The following DSCAM variants were observed in gnomAD, a reference collection of about 807,000 sequenced individuals.
The protein encoded by DSCAM is DS cell adhesion molecule.
In DSCAM, 47 loss-of-function variants were observed where a neutral mutation model predicts 217.7. The observed-to-expected ratio is 0.22, with a 90% confidence interval of 0.17 to 0.28. The LOEUF (loss-of-function observed/expected upper bound fraction) is 0.28, where lower values mean the gene tolerates loss of function less well. Ranked by LOEUF, DSCAM falls within the 10% of genes least tolerant of loss-of-function variation. The probability of loss-of-function intolerance (pLI) is 1.00; values close to 1 mark genes in which losing one functional copy is unlikely to be tolerated. For synonymous variants in DSCAM, 1,056 were observed against 1,015.3 expected (o/e 1.04, Z -0.76); for missense variants, 2,080 against 2,618.3 (o/e 0.79, Z 4.49).
intron 11 of DSCAM, among the ~76,000 whole-genome samples, chr21:40,222,277 A>G (rs781419259): frequency 3.9e-5 from 6 of 152,238 alleles, no homozygotes; most frequent in Non-Finnish European, 7.3e-5. Flanking sequence ...CAACATTTGG[A>G]ACGTCTACAT....
At chr21:40,465,936 T>C (rs976206802) in intron 3 of DSCAM, among the ~76,000 whole-genome samples, 11 of 152,324 alleles carry the variant, frequency 7.2e-5, no homozygotes, top group African/African-American at 2.6e-4. Flanking sequence ...CTGTTTGTTT[T>C]TGAAGGCATA....
At chr21:40,242,989 T>G (rs1376327067) in intron 11 of DSCAM, among the ~76,000 whole-genome samples, 1 of 152,210 alleles carries the variant, frequency 6.6e-6, no homozygotes. Flanking sequence ...ATTACCCATT[T>G]TATTCTAGTA....
chr21:40,213,596 G>A (rs7282686), intron 11 of DSCAM, among the ~76,000 whole-genome samples: 2 of 151,632 alleles, frequency 1.3e-5, no homozygotes, highest in African/African-American at 2.4e-5. Context: ...TGGGTTCCAC[G>A]CAGAAAACAT....
intron 4 of DSCAM, among the ~76,000 whole-genome samples, chr21:40,356,408 T>TATATAC (rs2074693771): frequency 6.6e-6 from 1 of 151,148 alleles, no homozygotes; most frequent in Non-Finnish European, 1.5e-5. Context: ...TATATATATA[T>TATATAC]GCACATTGTA....
chr21:40,054,502 A>G (rs1478065579), intron 29 of DSCAM, among the ~76,000 whole-genome samples: 1 of 152,190 alleles, frequency 6.6e-6, no homozygotes, highest in African/African-American at 2.4e-5. Context: ...GTCTCTTACC[A>G]CTGCCTTCCC....
At chr21:40,458,224 C>A (rs192624546) in intron 3 of DSCAM, among the ~76,000 whole-genome samples, 1 of 152,020 alleles carries the variant, frequency 6.6e-6, no homozygotes, top group African/African-American at 2.4e-5. Context: ...TTCCCAGCAA[C>A]TGAGGAAAAA....
chr21:40,088,100 G>A (rs2089555620), intron 21 of DSCAM, among the ~76,000 whole-genome samples: 2 of 152,170 alleles, frequency 1.3e-5, no homozygotes, highest in African/African-American at 2.4e-5. Context: ...TTACTTTCTG[G>A]GGTGTAAACA....
chr21:40,626,891 C>T (rs77851921), intron 3 of DSCAM, among the ~76,000 whole-genome samples: 7 of 152,292 alleles, frequency 4.6e-5, no homozygotes, highest in African/African-American at 9.6e-5. Flanking sequence ...TAGTACAAAG[C>T]GAATGCTATA....
chr21:40,687,119 T>C (rs1461741183), intron 3 of DSCAM, among the ~76,000 whole-genome samples: 1 of 152,124 alleles, frequency 6.6e-6, no homozygotes, highest in African/African-American at 2.4e-5. Context: ...AATAGAAGAT[T>C]AGATGATACA....
intron 11 of DSCAM, among the ~76,000 whole-genome samples, chr21:40,215,701 T>C (rs1554938): frequency 0.52 from 78,209 of 151,720 alleles, 20,469 homozygotes; most frequent in Middle Eastern, 0.63. Flanking sequence ...GGTAAATGTA[T>C]ACTATTTGGG....
intron 32 of DSCAM, among the ~76,000 whole-genome samples, chr21:40,014,715 CTGCTTCCTTT>C (rs1053026180): frequency 6.6e-6 from 1 of 152,290 alleles, no homozygotes; most frequent in South Asian, 2.1e-4. Flanking sequence ...TTGCCACCTC[CTGCTTCCTTT>C]TGCTTCCTTC....
In DSCAM at chr21:40,309,838, T is replaced by C. The variant is rs141693309; in HGVS notation, c.2062+2243A>G. 7.9e-5 allele frequency among the ~76,000 whole-genome samples: 12 copies of C among 152,348 alleles called. No homozygotes were observed. In the East Asian group the frequency reaches 2.3e-3, roughly 29 times the overall value. On this transcript the variant is annotated intron_variant, in intron 9 of 32. Coordinates refer to ENST00000400454, the MANE Select transcript of DSCAM (RefSeq NM_001389.5). ...TTGTCTGAATGTCTGAAATAGCCTG[T>C]TAACTACTCTTCTTGCTTTCTAGCC...
chr21:40,516,920 T>C (rs1011921445), intron 3 of DSCAM, among the ~76,000 whole-genome samples: 10 of 145,328 alleles, frequency 6.9e-5, no homozygotes, highest in East Asian at 2.1e-4. Flanking sequence ...CACACACACA[T>C]ATACCTTATA....
chr21:40,712,238 T>C (rs1601159676), intron 1 of DSCAM, among the ~76,000 whole-genome samples: 1 of 142,496 alleles, frequency 7.0e-6, no homozygotes, highest in South Asian at 2.2e-4. Context: ...GTGTGTAGTT[T>C]GTTTTATGAA....
At chr21:40,088,891 T>C (rs2089567949) in intron 21 of DSCAM, among the ~76,000 whole-genome samples, 1 of 152,206 alleles carries the variant, frequency 6.6e-6, no homozygotes, top group South Asian at 2.1e-4. Context: ...TACACATGCA[T>C]TGGGATGTTG....
chr21:40,454,046 C>A (rs1009578923), intron 3 of DSCAM, among the ~76,000 whole-genome samples: 10 of 152,298 alleles, frequency 6.6e-5, no homozygotes, highest in African/African-American at 2.4e-4. Flanking sequence ...AAAAACACAT[C>A]CTAATGAGCA....
Position 40,253,867 on chromosome 21 carries a change from T to C in DSCAM, c.2356+22230A>G, listed in dbSNP as rs151001879. On this transcript the variant is annotated intron_variant, in intron 11 of 32. Coordinates refer to ENST00000400454, the MANE Select transcript of DSCAM (RefSeq NM_001389.5). ...GTCCTTTTTGGTAAAATGGTAATTG[T>C]TAAGTATGGCATTTTCCTGAATGCT... Among the ~76,000 whole-genome samples the C allele has an allele frequency of 1.2e-3, 176 of 152,290 alleles. 3 individuals carry two copies. Among genetic ancestry groups the C allele is most frequent in the South Asian group, 7.9e-3 (38 of 4,826 alleles).
rs1028090700 is a variant in DSCAM at position 40,016,171 on chromosome 21, G to T, written c.5687-2785C>A. ...GGAGAGAGATATGATGATGGTCTGA[G>T]CTCAGGAGCAGCTGTGGGATGTGAG... is the stretch of plus-strand genomic sequence containing the variant. On this transcript the variant is annotated intron_variant, in intron 32 of 32. Transcript: ENST00000400454. This position sits in a 1 kb window ranked among gnomAD's most constrained non-coding sequence, Gnocchi z 4.3. Among the ~76,000 whole-genome samples the T allele has an allele frequency of 1.3e-5, 2 of 152,184 alleles. No homozygotes were observed. Among genetic ancestry groups the T allele is most frequent in the Non-Finnish European group, 2.9e-5 (2 of 68,026 alleles).
intron 18 of DSCAM, 23 bp from the exon 19 acceptor site, chr21:40,134,032 CA>C: frequency 6.3e-7 from 1 of 1,595,540 alleles, no homozygotes; most frequent in African/African-American, 1.3e-5. Flanking sequence ...AACAAGAAAA[CA>C]AAATCCCACT....
Sources: allele counts gnomAD v4.1 joint callset (sites outside exome capture counted in the v4.1 genomes callset), GRCh38; gene constraint gnomAD v4.1.1; non-coding constraint Gnocchi (gnomAD v3.1); transcripts MANE v1.5; gene names NCBI Gene and HGNC (gene_info 2026-07-23, HGNC 2026-07-21).